The following COX20 variants were observed in gnomAD, a reference collection of about 807,000 sequenced individuals.
COX20 encodes the protein cytochrome c oxidase assembly protein COX20, mitochondrial.
In COX20, 14 loss-of-function variants were observed where a neutral mutation model predicts 14.3. The ratio of observed to expected loss-of-function variants is 0.98; its 90% CI spans 0.65 to 1.53. The LOEUF (loss-of-function observed/expected upper bound fraction) is 1.53, where lower values mean the gene tolerates loss of function less well. Among genes scored for constraint, COX20 ranks in the 40% most tolerant of loss-of-function variants. COX20 has a pLI of 0.00. For synonymous variants in COX20, 56 were observed against 51.7 expected (o/e 1.08, Z -0.36); for missense variants, 149 against 142.1 (o/e 1.05, Z -0.25).
Position 244,843,787 on chromosome 1 carries a change from C to T in COX20, c.*611C>T, listed in dbSNP as rs1313524897. 2.0e-5 allele frequency: 3 copies of T among 152,130 alleles called. No homozygotes were observed. Among genetic ancestry groups the T allele is most frequent in the Non-Finnish European group, 4.4e-5 (3 of 68,038 alleles). The allele number at this position is 152,130 out of a possible 1,614,324, so 9.4% of individuals were successfully genotyped here. Reference sequence around the variant, plus strand: ...AATTAGTTCTGAATTAAAATATGCACATGGAACTTGTCTGGCAGACTGATG... The same window carrying T: ...AATTAGTTCTGAATTAAAATATGCATATGGAACTTGTCTGGCAGACTGATG... On this transcript the variant is annotated 3_prime_UTR_variant, in exon 4 of 4. Transcript: ENST00000411948.
intron 1 of COX20, among the ~76,000 whole-genome samples, chr1:244,838,138 C>T (rs1680056032): frequency 6.6e-6 from 1 of 152,110 alleles, no homozygotes; most frequent in African/African-American, 2.4e-5. Context: ...AATGTGGATC[C>T]TTCCAGACTT....
Position 244,836,484 on chromosome 1 carries a change from G to A in COX20, c.42+728G>A, listed in dbSNP as rs944474244. On this transcript the variant is annotated intron_variant, in intron 1 of 3. Coordinates refer to ENST00000411948, the MANE Select transcript of COX20 (RefSeq NM_198076.6). ...CTTACGTACTTTCCCCATCTTCCCA[G>A]GCATCTTGTACGTCGTTACATTTAT... 3.9e-6 allele frequency: 6 copies of A among 1,550,228 alleles called. No individual in the cohort carries two copies. The African/African-American group carries it at 8.2e-5, about 21-fold the overall frequency.
chr1:244,839,932 G>A (rs946053933), intron 1 of COX20: 3 of 152,104 alleles, frequency 2.0e-5, no homozygotes, highest in Non-Finnish European at 4.4e-5. Context: ...ACAAAGGCTA[G>A]AGAATTAAAA....
intron 1 of COX20, among the ~76,000 whole-genome samples, chr1:244,837,299 T>A (rs1166183342): frequency 6.6e-6 from 1 of 152,196 alleles, no homozygotes; most frequent in Non-Finnish European, 1.5e-5. Flanking sequence ...ATCAAAAAGC[T>A]AATTAAATTA....
At position 244,835,748 on chromosome 1, in the gene COX20, G is replaced by A; in HGVS notation, c.34G>A (p.Glu12Lys). 1.6e-6 allele frequency: 2 copies of A among 1,272,494 alleles called. No homozygotes were observed. The highest frequency in any genetic ancestry group is 5.7e-5 in the South Asian group (2 of 35,328). 78.8% of individuals were successfully genotyped at this position (1,272,494 alleles called of 1,614,324 possible). A position where few individuals can be genotyped will look rare whatever the true frequency, so the allele number is the denominator to read the frequency against. Reference protein sequence around the residue: ...AAPPEPGEPEERKSLKLLGFL... With the variant: ...AAPPEPGEPEKRKSLKLLGFL... Reference sequence around the variant, plus strand: ...CCCGCCGGAGCCCGGTGAGCCCGAGGAGAGGAAGGTAACCTGGGGGTCGGC... The same window carrying A: ...CCCGCCGGAGCCCGGTGAGCCCGAGAAGAGGAAGGTAACCTGGGGGTCGGC... The change falls in exon 1 of 4, where the codon GAG becomes AAG. Residue 12 changes from glutamate (E) to lysine (K), a missense_variant. Coordinates refer to ENST00000411948, the MANE Select transcript of COX20 (RefSeq NM_198076.6).
chr1:244,838,388 G>A (rs1168847948), intron 1 of COX20, among the ~76,000 whole-genome samples: 4 of 152,118 alleles, frequency 2.6e-5, no homozygotes, highest in Non-Finnish European at 4.4e-5. Context: ...ATCATATAAT[G>A]GCATTTAATT....
chr1:244,838,048 T>A (rs887730282), intron 1 of COX20, among the ~76,000 whole-genome samples: 2 of 152,234 alleles, frequency 1.3e-5, no homozygotes, highest in African/African-American at 4.8e-5. Flanking sequence ...TCTTTTGATG[T>A]ATCAGTTTCA....
rs369757278 is a variant in COX20, at chr1:244,842,199, A to G, written c.162A>G (p.Arg54=). 2.4e-5 allele frequency: 39 copies of G among 1,602,652 alleles called. No individual in the cohort carries two copies. The highest frequency in any genetic ancestry group is 3.2e-5 in the Non-Finnish European group (38 of 1,170,132). The change falls in exon 3 of 4, where the codon AGA becomes AGG. Residue 54 remains arginine, a synonymous_variant. Coordinates refer to ENST00000411948, the MANE Select transcript of COX20 (RefSeq NM_198076.6). ...TTGTTATGCTTATTTTTACAGGTAG[A>G]ATTAGAAGATCATGTGATGTTGGAG... is the stretch of plus-strand genomic sequence containing the variant. ...AGFGHFLFTS[R]IRRSCDVGVG...
intron 1 of COX20, chr1:244,836,550 C>T (rs1487537709): frequency 4.5e-6 from 7 of 1,539,070 alleles, no homozygotes; most frequent in Admixed American, 2.0e-5. Flanking sequence ...TCCTCTTTTC[C>T]TGGGCTCCTT....
At chr1:244,835,429 C>A, upstream of COX20, 1 of 356,254 alleles carries the variant, frequency 2.8e-6, no homozygotes. Flanking sequence ...ATCTAGGAGT[C>A]GGTTTGTTTT....
At position 244,843,138 on chromosome 1, in the gene COX20, G is replaced by C. The variant is rs373502901; in HGVS notation, c.319G>C (p.Asp107His). 1 of 1,594,866 alleles carries C rather than the reference G, an allele frequency of 6.3e-7. No individual in the cohort carries two copies. Among genetic ancestry groups the C allele is most frequent in the Admixed American group, 1.8e-5 (1 of 54,846 alleles). ...GATATTATATGAAGGTACCCACCTC[G>C]ATCCTGAAAGAAAACACAACGGCAG... ...KKILYEGTHL[D>H]PERKHNGSSS... Residue 107 changes from aspartate (D) to histidine (H), a missense_variant, in exon 4 of 4, where the codon GAT becomes CAT. Physicochemically the swap from Asp to His is moderately conservative, Grantham distance 81 (BLOSUM62 -1). Coordinates refer to ENST00000411948, the MANE Select transcript of COX20 (RefSeq NM_198076.6).
intron 1 of COX20, among the ~76,000 whole-genome samples, chr1:244,839,301 T>C (rs1680102363): frequency 6.6e-6 from 1 of 152,092 alleles, no homozygotes; most frequent in Non-Finnish European, 1.5e-5. Context: ...AAATCAACTG[T>C]CTCTAATTTG....
At chr1:244,842,951 A>AT (rs1181793789) in intron 3 of COX20, 90 bp from the exon 4 acceptor site, 1 of 1,005,662 alleles carries the variant, frequency 9.9e-7, no homozygotes, top group Non-Finnish European at 1.4e-6. Flanking sequence ...AGTCATCTGT[A>AT]TTTAAGTTTT....
At chr1:244,841,393 T>A (rs1161764816) in intron 1 of COX20, 1 of 152,548 alleles carries the variant, frequency 6.6e-6, no homozygotes, top group African/African-American at 2.4e-5. Context: ...GAAAACAGAC[T>A]AGAGTTTAAT....
intron 1 of COX20, chr1:244,836,395 T>G: frequency 9.2e-7 from 1 of 1,092,474 alleles, no homozygotes; most frequent in Non-Finnish European, 1.4e-6. Context: ...ACCCAAATTC[T>G]TGGTATAGTA....
At chr1:244,841,349 AAT>A (rs1346724924) in intron 1 of COX20, 1 of 152,328 alleles carries the variant, frequency 6.6e-6, no homozygotes, top group East Asian at 1.9e-4. Flanking sequence ...CAAAGAATCA[AAT>A]ATAATCAAGT....
chr1:244,837,938 G>T (rs1680048277), intron 1 of COX20, among the ~76,000 whole-genome samples: 1 of 152,158 alleles, frequency 6.6e-6, no homozygotes, highest in Admixed American at 6.6e-5. Context: ...ATAGTCATCT[G>T]ATACACATTT....
upstream of COX20, chr1:244,835,618 G>T: frequency 1.0e-6 from 1 of 973,762 alleles, no homozygotes; most frequent in Admixed American, 4.3e-5. Context: ...GGGAGGCGGC[G>T]GCGCGTGGGG....
rs182587863 is a variant in COX20, at chr1:244,842,507, C to T, written c.221+249C>T. ...GGAAAGCCTCAACCATTTCCCTTACCCTAATACTTATTTCATCCCTGCTTA... is the reference window on the plus strand; with the variant it reads ...GGAAAGCCTCAACCATTTCCCTTACTCTAATACTTATTTCATCCCTGCTTA... On this transcript the variant is annotated intron_variant, in intron 3 of 3. Coordinates refer to ENST00000411948, the MANE Select transcript of COX20 (RefSeq NM_198076.6). The T allele has an allele frequency of 2.0e-3, 953 of 466,268 alleles. 3 individuals are homozygous for T. Among genetic ancestry groups the T allele is most frequent in the African/African-American group, 0.017 (889 of 51,762 alleles). 28.9% of individuals were successfully genotyped at this position (466,268 alleles called of 1,614,324 possible).
Sources: allele counts gnomAD v4.1 joint callset (sites outside exome capture counted in the v4.1 genomes callset), GRCh38; gene constraint gnomAD v4.1.1; transcripts MANE v1.5; gene names NCBI Gene and HGNC (gene_info 2026-07-23, HGNC 2026-07-21).